The following ATF7 variants were observed in gnomAD, a reference collection of about 807,000 sequenced individuals.
The protein encoded by ATF7 is cyclic AMP-dependent transcription factor ATF-7.
A neutral mutation model predicts 50.4 loss-of-function variants in ATF7; 10 were observed. The ratio of observed to expected loss-of-function variants is 0.20; its 90% CI spans 0.12 to 0.34. ATF7 has a LOEUF of 0.34. Among genes scored for constraint, ATF7 ranks in the 10% least tolerant of loss-of-function variants. ATF7 has a pLI of 1.00. For synonymous variants in ATF7, 201 were observed against 226.4 expected (o/e 0.89, Z 1.01); for missense variants, 465 against 613.9 (o/e 0.76, Z 2.56).
chr12:53,614,167 C>T (rs1217352552), intron 1 of ATF7, among the ~76,000 whole-genome samples: 2 of 152,018 alleles, frequency 1.3e-5, no homozygotes, highest in African/African-American at 4.8e-5. Context: ...GCTTTCTAGG[C>T]TTTCAGAGGA....
At chr12:53,533,343 G>T in intron 6 of ATF7, 84 bp from the exon 7 acceptor site, 1 of 1,167,782 alleles carries the variant, frequency 8.6e-7, no homozygotes, top group Non-Finnish European at 1.3e-6. Flanking sequence ...AGATTTTCCA[G>T]TCTTCTCTAG....
chr12:53,561,896 G>A (rs776341524), intron 2 of ATF7, among the ~76,000 whole-genome samples: 1 of 152,032 alleles, frequency 6.6e-6, no homozygotes, highest in Non-Finnish European at 1.5e-5. Context: ...AATTTATAGA[G>A]GAAAAACAAG....
chr12:53,573,503 T>C (rs945690609), intron 2 of ATF7, among the ~76,000 whole-genome samples: 17 of 152,316 alleles, frequency 1.1e-4, no homozygotes, highest in Non-Finnish European at 1.5e-4. Context: ...AAATTTAAGT[T>C]TTGCCTTTTT....
rs1938318852 is a variant in ATF7, at chr12:53,524,439, T to C, written c.1125+125A>G. On this transcript the variant is annotated intron_variant, in intron 10 of 11. Coordinates refer to ENST00000420353, the MANE Select transcript of ATF7 (RefSeq NM_006856.3). This position sits in a 1 kb window ranked among gnomAD's most constrained non-coding sequence, Gnocchi z 4.6. ...ACTCTGACCGTTAAGAGATTCTTCA[T>C]GGGACAACTAGATCTGTCCTAATTA... 14 of 1,099,846 alleles carry C rather than the reference T, an allele frequency of 1.3e-5. No homozygotes were observed. The highest frequency in any genetic ancestry group is 1.8e-5 in the Non-Finnish European group (14 of 777,030). The allele number at this position is 1,099,846 out of a possible 1,614,324, so 68.1% of individuals were successfully genotyped here.
rs1041105784 is a variant in ATF7, at chr12:53,625,027, T to C, written c.-22+1252A>G. 2.0e-5 allele frequency among the ~76,000 whole-genome samples: 3 copies of C among 152,300 alleles called. No homozygotes were observed. In the South Asian group the frequency reaches 6.2e-4, roughly 32 times the overall value. ...TGCTGAGAAAACTCTGCACACCCCCTACACACCTGTACTTAATATGACATG... is the reference window on the plus strand; with the variant it reads ...TGCTGAGAAAACTCTGCACACCCCCCACACACCTGTACTTAATATGACATG... On this transcript the variant is annotated intron_variant, in intron 1 of 11. Coordinates refer to ENST00000420353, the MANE Select transcript of ATF7 (RefSeq NM_006856.3).
At chr12:53,511,710 G>T (rs185698731), downstream of ATF7, among the ~76,000 whole-genome samples, 1 of 152,308 alleles carries the variant, frequency 6.6e-6, no homozygotes, top group African/African-American at 2.4e-5. Context: ...ACACTGAAAA[G>T]TAAAAGGCCA....
chr12:53,583,678 T>C (rs1592928981), intron 2 of ATF7, among the ~76,000 whole-genome samples: 1 of 152,148 alleles, frequency 6.6e-6, no homozygotes, highest in South Asian at 2.1e-4. Flanking sequence ...TCATGATCCA[T>C]GAACTAAGTA....
At chr12:53,517,639 AGTTC>A in intron 11 of ATF7, 1 of 441,752 alleles carries the variant, frequency 2.3e-6, no homozygotes, top group Non-Finnish European at 4.2e-6. Context: ...GTCTTTGCAT[AGTTC>A]ATTACCAACT....
chr12:53,552,429 T>A, intron 3 of ATF7, 112 bp downstream of exon 3: 1 of 791,546 alleles, frequency 1.3e-6, no homozygotes, highest in South Asian at 1.6e-5. Context: ...GCAGATCACA[T>A]AAGGGCTCTT....
At chr12:53,543,528 G>A in intron 3 of ATF7, 80 bp from the exon 4 acceptor site, 1 of 1,368,582 alleles carries the variant, frequency 7.3e-7, no homozygotes, top group East Asian at 2.5e-5. Context: ...TATAGAGAAT[G>A]CATTTGTACT....
Position 53,516,733 on chromosome 12 carries a change from G to A in ATF7, c.*404C>T, listed in dbSNP as rs891831370. The A allele has an allele frequency of 2.0e-5, 4 of 198,578 alleles. No individual in the cohort carries two copies. The highest frequency in any genetic ancestry group is 2.2e-4 in the East Asian group (2 of 8,908). The allele number at this position is 198,578 out of a possible 1,614,324, so 12.3% of individuals were successfully genotyped here. A position where few individuals can be genotyped will look rare whatever the true frequency, so the allele number is the denominator to read the frequency against. On this transcript the variant is annotated 3_prime_UTR_variant, in exon 12 of 12. Coordinates refer to ENST00000420353, the MANE Select transcript of ATF7 (RefSeq NM_006856.3). ...CTATCTGGCAGGAAGTGGCATGCTG[G>A]TAAGGAACAAAAAGGTAACAGCCAC... is the stretch of plus-strand genomic sequence containing the variant.
At chr12:53,535,258 C>T (rs1410964458) in intron 5 of ATF7, among the ~76,000 whole-genome samples, 7 of 146,584 alleles carry the variant, frequency 4.8e-5, no homozygotes, top group Non-Finnish European at 1.0e-4. Context: ...AGGAGAGAGG[C>T]GGAGGAGGTT....
intron 5 of ATF7, 64 bp from the exon 6 acceptor site, chr12:53,534,723 A>G (rs991559584): frequency 6.5e-6 from 10 of 1,528,012 alleles, no homozygotes; most frequent in Non-Finnish European, 8.9e-6. Context: ...AAATATATAG[A>G]TGGTAAAATC....
At chr12:53,537,321 G>C in intron 5 of ATF7, 94 bp downstream of exon 5, 1 of 1,429,952 alleles carries the variant, frequency 7.0e-7, no homozygotes, top group Middle Eastern at 2.6e-4. Flanking sequence ...CTCCCATCTT[G>C]GCCTCCTGAG....
Position 53,515,402 on chromosome 12 carries a change from T to C in ATF7, c.*1735A>G, listed in dbSNP as rs1438752593. 2 of 152,164 alleles carry C rather than the reference T, an allele frequency of 1.3e-5. No homozygotes were observed. The highest frequency in any genetic ancestry group is 2.9e-5 in the Non-Finnish European group (2 of 68,044). 9.4% of individuals were successfully genotyped at this position (152,164 alleles called of 1,614,324 possible). A position where few individuals can be genotyped will look rare whatever the true frequency, so the allele number is the denominator to read the frequency against. On this transcript the variant is annotated 3_prime_UTR_variant, in exon 12 of 12. Transcript: ENST00000420353. ...ATGTTTAAGATGGAGGTAGGAAAGATGGAGAGAAGGACATTCTTGGCTTGC... is the reference window on the plus strand; with the variant it reads ...ATGTTTAAGATGGAGGTAGGAAAGACGGAGAGAAGGACATTCTTGGCTTGC...
At chr12:53,519,927 T>C (rs1938004550) in intron 11 of ATF7, among the ~76,000 whole-genome samples, 2 of 152,092 alleles carry the variant, frequency 1.3e-5, no homozygotes, top group Non-Finnish European at 2.9e-5. Context: ...TTTTTATTTT[T>C]AGTAGAGATG....
At chr12:53,509,374 C>T (rs1944086125), downstream of ATF7, among the ~76,000 whole-genome samples, 1 of 152,136 alleles carries the variant, frequency 6.6e-6, no homozygotes, top group Non-Finnish European at 1.5e-5. Flanking sequence ...GCCGAGGGGG[C>T]TTTGGGCTTC....
intron 11 of ATF7, among the ~76,000 whole-genome samples, chr12:53,518,517 G>A (rs1343715213): frequency 6.6e-6 from 1 of 152,172 alleles, no homozygotes; most frequent in African/African-American, 2.4e-5. Context: ...AGGTGCCATG[G>A]CACAATCACA....
chr12:53,623,975 G>A (rs1944501039), intron 1 of ATF7, among the ~76,000 whole-genome samples: 2 of 152,138 alleles, frequency 1.3e-5, no homozygotes. Context: ...TGTAAACTTT[G>A]ATCCACAAGT....
Sources: allele counts gnomAD v4.1 joint callset (sites outside exome capture counted in the v4.1 genomes callset), GRCh38; gene constraint gnomAD v4.1.1; non-coding constraint Gnocchi (gnomAD v3.1); transcripts MANE v1.5; gene names NCBI Gene and HGNC (gene_info 2026-07-23, HGNC 2026-07-21).